The following OR9Q1 variants were observed in gnomAD, a reference collection of about 807,000 sequenced individuals.
The protein encoded by OR9Q1 is olfactory receptor family 9 subfamily Q member 1.
For synonymous variants in OR9Q1, 153 were observed against 148.6 expected (o/e 1.03, Z -0.22); for missense variants, 374 against 378.8 (o/e 0.99, Z 0.11).
At chr11:58,171,947 G>GA (rs1438946641) in intron 2 of OR9Q1, among the ~76,000 whole-genome samples, 3 of 152,088 alleles carry the variant, frequency 2.0e-5, no homozygotes, top group African/African-American at 7.2e-5. Context: ...TTTAATGGGG[G>GA]AAAATATTGA....
intron 2 of OR9Q1, among the ~76,000 whole-genome samples, chr11:58,087,656 T>C (rs1049924326): frequency 6.6e-6 from 1 of 151,826 alleles, no homozygotes; most frequent in Non-Finnish European, 1.5e-5. Context: ...CATCAACTCG[T>C]CATCTAGATT....
chr11:58,134,555 T>C (rs917250538), intron 2 of OR9Q1, among the ~76,000 whole-genome samples: 1 of 152,154 alleles, frequency 6.6e-6, no homozygotes, highest in Non-Finnish European at 1.5e-5. Context: ...TGAGAGCAGA[T>C]GGGTCAGAGT....
intron 2 of OR9Q1, among the ~76,000 whole-genome samples, chr11:58,137,921 T>G (rs937876664): frequency 2.0e-5 from 3 of 152,206 alleles, no homozygotes; most frequent in Non-Finnish European, 4.4e-5. Context: ...CCTCTGTCAT[T>G]AGACTTTTAA....
chr11:58,139,785 T>C (rs1854226647), intron 2 of OR9Q1, among the ~76,000 whole-genome samples: 1 of 152,148 alleles, frequency 6.6e-6, no homozygotes, highest in African/African-American at 2.4e-5. Context: ...TTATAATCCT[T>C]TGGGTATATA....
chr11:58,071,606 A>G (rs749788468), intron 2 of OR9Q1, among the ~76,000 whole-genome samples: 2 of 152,220 alleles, frequency 1.3e-5, no homozygotes, highest in African/African-American at 2.4e-5. Context: ...CAATGGCGTA[A>G]AAGGACTGGG....
At chr11:58,119,383 G>C (rs1854001402) in intron 2 of OR9Q1, 1 of 1,613,896 alleles carries the variant, frequency 6.2e-7, no homozygotes, top group Non-Finnish European at 8.5e-7. Flanking sequence ...CTCCAATTTG[G>C]GGTGGTCCAT....
intron 2 of OR9Q1, among the ~76,000 whole-genome samples, chr11:58,163,744 A>G (rs1181057724): frequency 6.6e-6 from 1 of 152,206 alleles, no homozygotes; most frequent in Non-Finnish European, 1.5e-5. Flanking sequence ...ATTCTAGGTA[A>G]ATAGCTGGGC....
intron 2 of OR9Q1, among the ~76,000 whole-genome samples, chr11:58,106,860 T>A (rs1402686838): frequency 1.3e-5 from 2 of 152,188 alleles, no homozygotes; most frequent in Non-Finnish European, 2.9e-5. Flanking sequence ...TATATGTCTA[T>A]TTTTATGTCA....
intron 2 of OR9Q1, among the ~76,000 whole-genome samples, chr11:58,110,975 A>G (rs780527032): frequency 2.0e-5 from 3 of 152,114 alleles, no homozygotes; most frequent in Non-Finnish European, 4.4e-5. Context: ...ATGGGGTCCT[A>G]CCAGTCACAG....
intron 2 of OR9Q1, among the ~76,000 whole-genome samples, chr11:58,114,218 C>A (rs928489112): frequency 2.6e-5 from 4 of 152,162 alleles, no homozygotes; most frequent in Non-Finnish European, 4.4e-5. Context: ...GCCTTATTTC[C>A]CAAACAACCC....
chr11:58,031,153 C>T (rs543691888), intron 1 of OR9Q1: 3 of 1,614,206 alleles, frequency 1.9e-6, no homozygotes, highest in Non-Finnish European at 2.5e-6. Flanking sequence ...TCCTGACACA[C>T]TTGTCCTGCC....
At chr11:58,110,483 T>C (rs1030928815) in intron 2 of OR9Q1, among the ~76,000 whole-genome samples, 1 of 152,172 alleles carries the variant, frequency 6.6e-6, no homozygotes, top group African/African-American at 2.4e-5. Flanking sequence ...CTTTATTCTG[T>C]GTTAGACATT....
chr11:58,063,143 G>A (rs981986277), intron 2 of OR9Q1, among the ~76,000 whole-genome samples: 1 of 152,122 alleles, frequency 6.6e-6, no homozygotes. Context: ...ATATAGGGCA[G>A]TTTCCCTACT....
chr11:58,060,766 TAAGA>T (rs1418972732), intron 2 of OR9Q1, among the ~76,000 whole-genome samples: 3 of 150,810 alleles, frequency 2.0e-5, no homozygotes, highest in Admixed American at 2.0e-4. Context: ...ATATTAAACT[TAAGA>T]AAGAGTCATG....
In OR9Q1 at chr11:58,109,535, C is replaced by G. The variant is rs752149697; in HGVS notation, c.-15+53588C>G. ...ACTTGGATTAGAATGATCATCCCCC[C>G]ATTCCCCAGAAAAGTGACAAGATAG... On this transcript the variant is annotated intron_variant, in intron 2 of 2. Transcript: ENST00000335397. 8.7e-6 allele frequency: 4 copies of G among 458,250 alleles called. 1 individual carries two copies. Among genetic ancestry groups the G allele is most frequent in the South Asian group, 6.2e-5 (4 of 64,574 alleles). 28.4% of individuals were successfully genotyped at this position (458,250 alleles called of 1,614,324 possible). A position where few individuals can be genotyped will look rare whatever the true frequency, so the allele number is the denominator to read the frequency against.
intron 2 of OR9Q1, among the ~76,000 whole-genome samples, chr11:58,111,819 T>C (rs1324021194): frequency 6.6e-6 from 1 of 152,178 alleles, no homozygotes; most frequent in Non-Finnish European, 1.5e-5. Context: ...TACTATCCTA[T>C]TCTATGACTT....
intron 1 of OR9Q1, among the ~76,000 whole-genome samples, chr11:58,036,654 C>A (rs187688401): frequency 6.6e-6 from 1 of 152,120 alleles, no homozygotes; most frequent in Non-Finnish European, 1.5e-5. Context: ...AAGTTGATTC[C>A]AACCCTTATG....
At chr11:58,061,467 CGTTTT>C (rs1194729799) in intron 2 of OR9Q1, among the ~76,000 whole-genome samples, 1 of 152,156 alleles carries the variant, frequency 6.6e-6, no homozygotes, top group East Asian at 1.9e-4. Context: ...TTGTTACCTT[CGTTTT>C]GTAGATGAGG....
At chr11:58,156,452 A>G (rs775920013) in intron 2 of OR9Q1, among the ~76,000 whole-genome samples, 1 of 152,234 alleles carries the variant, frequency 6.6e-6, no homozygotes, top group Non-Finnish European at 1.5e-5. Flanking sequence ...TTAGTAGTTC[A>G]AATTAAAAGT....
Sources: gnomAD v4.1 joint callset for allele counts (sites outside exome capture counted in the v4.1 genomes callset) on GRCh38, gnomAD v4.1.1 for gene constraint, MANE v1.5 for transcripts, NCBI Gene and HGNC (gene_info 2026-07-23, HGNC 2026-07-21) for gene names.